PARD3: variants seen among roughly 807,000 people sequenced by gnomAD.
The protein encoded by PARD3 is partitioning defective 3 homolog.
In PARD3, 75 loss-of-function variants were observed where a neutral mutation model predicts 155.4. That is an observed-to-expected ratio of 0.48 (90% CI 0.40 to 0.58). The LOEUF is 0.58. Ranked by LOEUF, PARD3 falls within the 20% of genes least tolerant of loss-of-function variation. The probability of loss-of-function intolerance (pLI) is 0.00; values close to 1 mark genes in which losing one functional copy is unlikely to be tolerated. For missense variants in PARD3, 1,642 were observed against 1,721.7 expected (o/e 0.95, Z 0.82); for synonymous variants, 576 against 610.5 (o/e 0.94, Z 0.83).
rs201745976 is a variant in PARD3 at position 34,269,822 on chromosome 10, C to A, written c.3254G>T (p.Arg1085Leu). The change falls in exon 22 of 25, where the codon CGG becomes CTG. Residue 1085 changes from arginine (R) to leucine (L), a missense_variant. This residue lies in a region of PARD3 where 1,529 missense variants were observed against 1,587.3 expected (regional missense o/e 0.96). Transcript: ENST00000374788. ...TAACTCATCATCACAGCCAAATGTC[C>A]GATGAAAATCTTGAATTTCAGCATA... is the stretch of plus-strand genomic sequence containing the variant. ...RDYAEIQDFHRTFGCDDELMY... is the reference protein window; with the variant it reads ...RDYAEIQDFHLTFGCDDELMY... The A allele has an allele frequency of 1.2e-6, 2 of 1,613,836 alleles. No homozygotes were observed. The highest frequency in any genetic ancestry group is 1.7e-5 in the Admixed American group (1 of 59,956).
At chr10:34,787,619 T>C (rs1841135418) in intron 1 of PARD3, among the ~76,000 whole-genome samples, 1 of 152,116 alleles carries the variant, frequency 6.6e-6, no homozygotes, top group Non-Finnish European at 1.5e-5. Flanking sequence ...TCGTTAAAGA[T>C]GGAAGCAATC....
intron 3 of PARD3, among the ~76,000 whole-genome samples, chr10:34,498,322 T>C (rs2080429373): frequency 6.6e-6 from 1 of 152,172 alleles, no homozygotes; most frequent in South Asian, 2.1e-4. Flanking sequence ...TCAAAGACAG[T>C]GTTTAGGAAA....
At chr10:34,343,163 T>C (rs754851095) in intron 15 of PARD3, 12 of 237,964 alleles carry the variant, frequency 5.0e-5, no homozygotes, top group Non-Finnish European at 8.2e-5. Flanking sequence ...TCAAAGTATA[T>C]AGAATTATAA....
At chr10:34,257,755 A>T (rs1954736124) in intron 22 of PARD3, among the ~76,000 whole-genome samples, 1 of 152,244 alleles carries the variant, frequency 6.6e-6, no homozygotes, top group South Asian at 2.1e-4. Flanking sequence ...TTACTTCTAC[A>T]AACAAATTGT....
At chr10:34,447,480 CAAAAAAAAAAAAAAAAAAAAA>C (rs745637071) in intron 5 of PARD3, among the ~76,000 whole-genome samples, 11 of 37,196 alleles carry the variant, frequency 3.0e-4, no homozygotes, top group Admixed American at 1.4e-3. Flanking sequence ...GACTGCGTCT[CAAAAAAAAAAAAAAAAAAAAA>C]AAAAAAAAAA....
intron 20 of PARD3, among the ~76,000 whole-genome samples, chr10:34,293,454 T>G (rs904787505): frequency 1.3e-5 from 2 of 152,102 alleles, no homozygotes; most frequent in Non-Finnish European, 2.9e-5. Context: ...CCCAACTAAA[T>G]TGACGTTATT....
chr10:34,616,009 G>A (rs2132663579), intron 2 of PARD3, among the ~76,000 whole-genome samples: 1 of 152,268 alleles, frequency 6.6e-6, no homozygotes, highest in East Asian at 1.9e-4. Flanking sequence ...ATGCAAATTA[G>A]TACAGCAATT....
intron 17 of PARD3, 29 bp from the exon 18 acceptor site, chr10:34,336,272 GC>G: frequency 6.3e-7 from 1 of 1,583,790 alleles, no homozygotes; most frequent in Non-Finnish European, 8.7e-7. Context: ...ATAATAGTTA[GC>G]CCAGTTAGTT....
At chr10:34,652,248 A>C (rs2093034990) in intron 2 of PARD3, among the ~76,000 whole-genome samples, 2 of 152,178 alleles carry the variant, frequency 1.3e-5, no homozygotes, top group Admixed American at 6.5e-5. Context: ...TTCGTGTGTG[A>C]TTTTGGGACA....
At chr10:34,611,947 G>A (rs941047695) in intron 2 of PARD3, among the ~76,000 whole-genome samples, 5 of 4,382 alleles carry the variant, frequency 1.1e-3, no homozygotes, top group Non-Finnish European at 1.9e-3. Context: ...CTACCCCCCC[G>A]CCCCGAGTAG....
chr10:34,405,087 C>A (rs199632277), intron 5 of PARD3, among the ~76,000 whole-genome samples: 1 of 77,600 alleles, frequency 1.3e-5, no homozygotes, highest in Admixed American at 1.6e-4. Flanking sequence ...CAAACACACA[C>A]ACACACACAC....
At chr10:34,411,039 T>G (rs562978788) in intron 5 of PARD3, among the ~76,000 whole-genome samples, 1 of 152,302 alleles carries the variant, frequency 6.6e-6, no homozygotes, top group East Asian at 1.9e-4. Context: ...CCTAGGAGCC[T>G]CAGGTCTTCT....
At chr10:34,618,352 A>G (rs1457461643) in intron 2 of PARD3, among the ~76,000 whole-genome samples, 1 of 152,198 alleles carries the variant, frequency 6.6e-6, no homozygotes, top group Non-Finnish European at 1.5e-5. Context: ...TGACTCCCGC[A>G]AACACTGAAA....
At chr10:34,602,342 C>A (rs1180302518) in intron 2 of PARD3, among the ~76,000 whole-genome samples, 1 of 152,104 alleles carries the variant, frequency 6.6e-6, no homozygotes, top group Non-Finnish European at 1.5e-5. Flanking sequence ...TGTAGATCCA[C>A]TAATGGAAAA....
intron 3 of PARD3, among the ~76,000 whole-genome samples, chr10:34,473,367 G>A (rs2078486808): frequency 1.3e-5 from 2 of 152,058 alleles, no homozygotes; most frequent in Non-Finnish European, 2.9e-5. Context: ...TTACCACGCT[G>A]ATGAGAAAGA....
At chr10:34,225,203 A>T (rs192992889) in intron 22 of PARD3, among the ~76,000 whole-genome samples, 32 of 152,356 alleles carry the variant, frequency 2.1e-4, no homozygotes, top group Non-Finnish European at 1.5e-5. Context: ...AACAACAGAC[A>T]AATGTACACA....
chr10:34,621,672 C>T (rs2091686494), intron 2 of PARD3, among the ~76,000 whole-genome samples: 1 of 152,208 alleles, frequency 6.6e-6, no homozygotes, highest in Non-Finnish European at 1.5e-5. Flanking sequence ...ATTATTTACA[C>T]ACTACACTTT....
chr10:34,799,193 C>T (rs1842618040), intron 1 of PARD3, among the ~76,000 whole-genome samples: 1 of 152,106 alleles, frequency 6.6e-6, no homozygotes, highest in Non-Finnish European at 1.5e-5. Flanking sequence ...AGGTGCCTGC[C>T]ACCACACCCA....
At chr10:34,421,405 TTATAC>T (rs1846175518) in intron 5 of PARD3, among the ~76,000 whole-genome samples, 1 of 150,978 alleles carries the variant, frequency 6.6e-6, no homozygotes, top group Non-Finnish European at 1.5e-5. Context: ...TTATTAATAA[TTATAC>T]TAGTTATTAC....
Sources: gnomAD v4.1 joint callset for allele counts (sites outside exome capture counted in the v4.1 genomes callset) on GRCh38, gnomAD v4.1.1 for gene constraint, gnomAD v4.1.1 regional missense constraint, MANE v1.5 for transcripts, NCBI Gene and HGNC (gene_info 2026-07-23, HGNC 2026-07-21) for gene names.